EFCAB13: variants seen among roughly 807,000 people sequenced by gnomAD.
EFCAB13 encodes EF-hand calcium-binding domain-containing protein 13.
EFCAB13 carries 91 observed loss-of-function variants against 110.2 expected under a neutral mutation model. The ratio of observed to expected loss-of-function variants is 0.83; its 90% confidence interval spans 0.70 to 0.98. The LOEUF is 0.98. EFCAB13 is among the 50% of genes least tolerant of loss of function. The pLI is 0.00. For synonymous variants in EFCAB13, 323 were observed against 369.9 expected, an observed-to-expected ratio of 0.87 and a Z score of 1.45; for missense variants, 968 against 1,119.4, an observed-to-expected ratio of 0.86 and a Z score of 1.93.
intron 23 of EFCAB13, among the ~76,000 whole-genome samples, chr17:47,416,345 T>C (rs1904443966): frequency 6.6e-6 from 1 of 152,228 alleles, no homozygotes; most frequent in East Asian, 1.9e-4. Context: ...TGAATTTGCC[T>C]ATTTTGAACA....
intron 24 of EFCAB13, among the ~76,000 whole-genome samples, chr17:47,433,873 T>G (rs560939048): frequency 1.6e-4 from 25 of 152,298 alleles, no homozygotes; most frequent in African/African-American, 5.1e-4. Context: ...TCTTGGATTT[T>G]TTACTTTAAA....
At chr17:47,413,492 C>T (rs560129179) in intron 22 of EFCAB13, among the ~76,000 whole-genome samples, 2 of 152,130 alleles carry the variant, frequency 1.3e-5, no homozygotes, top group African/African-American at 4.8e-5. Context: ...TGGTTTTTGG[C>T]GAACTTTTAT....
chr17:47,371,969 C>T (rs1322661024), intron 11 of EFCAB13, among the ~76,000 whole-genome samples: 1 of 152,116 alleles, frequency 6.6e-6, no homozygotes, highest in Non-Finnish European at 1.5e-5. Flanking sequence ...TTTTCTCATG[C>T]TGCTAATAAA....
chr17:47,373,475 G>A (rs1460776984), intron 11 of EFCAB13, among the ~76,000 whole-genome samples: 2 of 151,978 alleles, frequency 1.3e-5, no homozygotes, highest in African/African-American at 2.4e-5. Context: ...TGCTCTTTTG[G>A]TAGTATTATG....
At chr17:47,389,860 T>C (rs1228949566) in intron 14 of EFCAB13, among the ~76,000 whole-genome samples, 1 of 152,170 alleles carries the variant, frequency 6.6e-6, no homozygotes, top group East Asian at 1.9e-4. Flanking sequence ...ACCTGTAAAA[T>C]TAAAAAAGAG....
At chr17:47,407,562 A>G (rs1464627201) in intron 20 of EFCAB13, among the ~76,000 whole-genome samples, 1 of 152,182 alleles carries the variant, frequency 6.6e-6, no homozygotes, top group Non-Finnish European at 1.5e-5. Context: ...ATTGGACTCC[A>G]CGAAAGAAAA....
At chr17:47,372,657 G>T (rs538478757) in intron 11 of EFCAB13, among the ~76,000 whole-genome samples, 2 of 152,138 alleles carry the variant, frequency 1.3e-5, no homozygotes, top group East Asian at 3.9e-4. Flanking sequence ...TTCAACTTTT[G>T]TCTGGGAAAG....
chr17:47,344,375 A>G (rs778097013), intron 7 of EFCAB13, 83 bp downstream of exon 7: 19 of 1,461,564 alleles, frequency 1.3e-5, no homozygotes, highest in East Asian at 4.6e-5. Context: ...TCCCTTCCAC[A>G]TAAAGAATAT....
intron 21 of EFCAB13, among the ~76,000 whole-genome samples, chr17:47,410,007 A>G (rs1253279561): frequency 2.6e-5 from 4 of 152,076 alleles, no homozygotes; most frequent in Admixed American, 1.3e-4. Flanking sequence ...TCCCACTACA[A>G]GACTTTTGCA....
chr17:47,440,531 C>T lies in EFCAB13; in HGVS notation c.2739C>T (p.Cys913=). ...AGKFYLICTY[C]PDLERQAVVY... is the part of the protein sequence containing the mutation. ...AGTTTTATTTAATATGTACTTATTG[C>T]CCAGATCTAGAAAGGCAAGCAGTGG... Residue 913 remains cysteine (C), a synonymous_variant, in exon 25 of 25, where the codon TGC becomes TGT. Transcript: ENST00000331493. 2.5e-6 allele frequency: 4 copies of T among 1,612,884 alleles called. No individual in the cohort carries two copies. The highest frequency in any genetic ancestry group is 3.4e-6 in the Non-Finnish European group (4 of 1,179,536).
At chr17:47,361,252 A>G in intron 9 of EFCAB13, 126 bp from the exon 10 acceptor site, 1 of 784,590 alleles carries the variant, frequency 1.3e-6, no homozygotes, top group South Asian at 1.9e-5. Flanking sequence ...TTGCTTGTAG[A>G]TAAATATTTA....
chr17:47,349,884 C>T (rs2065439644), intron 9 of EFCAB13, among the ~76,000 whole-genome samples: 1 of 150,334 alleles, frequency 6.7e-6, no homozygotes, highest in Non-Finnish European at 1.5e-5. Flanking sequence ...ACGCCATTCT[C>T]CTGCCTCAGC....
rs111830433 is a variant in EFCAB13, at chr17:47,390,325, T to TACACACACAC, written c.1583-1101_1583-1092dup. Among the ~76,000 whole-genome samples, 1,680 of 150,196 alleles carry TACACACACAC rather than the reference T, an allele frequency of 0.011. 73 individuals carry two copies. In the East Asian group the frequency reaches 0.17, roughly 15 times the overall value. ...GCATACACAACCTCTGTTTTTTTCA[T>TACACACACAC]ACACACACACACACACACACTTTCT... On this transcript the variant is annotated intron_variant, in intron 14 of 24. Transcript: ENST00000331493.
intron 14 of EFCAB13, among the ~76,000 whole-genome samples, chr17:47,390,222 A>G (rs2065698508): frequency 1.3e-5 from 2 of 151,072 alleles, no homozygotes; most frequent in African/African-American, 2.4e-5. Flanking sequence ...GTGTGTTTGT[A>G]TATTATAAAA....
chr17:47,374,651 G>A lies in EFCAB13; in HGVS notation c.1057G>A (p.Asp353Asn), dbSNP rs1243505772. 4.4e-6 allele frequency: 7 copies of A among 1,608,214 alleles called. No individual in the cohort carries two copies. Among genetic ancestry groups the A allele is most frequent in the Non-Finnish European group, 8.5e-7 (1 of 1,178,700 alleles). Residue 353 changes from aspartate to asparagine, a missense_variant, in exon 12 of 25, where the codon GAT becomes AAT. Asp to Asn is a conservative substitution (Grantham distance 23). Transcript: ENST00000331493. ...NQYYSKIMEN[D>N]DLESKRPKNT... Reference sequence around the variant, plus strand: ...ATATTATAGCAAAATTATGGAGAATGATGACCTTGAATCTAAAAGACCAAA... The same window carrying A: ...ATATTATAGCAAAATTATGGAGAATAATGACCTTGAATCTAAAAGACCAAA...
chr17:47,409,733 G>T (rs764950733), intron 21 of EFCAB13, 42 bp downstream of exon 21: 1 of 1,457,746 alleles, frequency 6.9e-7, no homozygotes, highest in Admixed American at 1.7e-5. Context: ...TCAATAATAA[G>T]AGATATTTTT....
At chr17:47,353,206 G>C (rs891108033) in intron 9 of EFCAB13, among the ~76,000 whole-genome samples, 2 of 151,956 alleles carry the variant, frequency 1.3e-5, no homozygotes, top group African/African-American at 4.8e-5. Context: ...GTAGGATGTT[G>C]GCTGTGGGTT....
chr17:47,357,265 T>C (rs555317363), intron 9 of EFCAB13, among the ~76,000 whole-genome samples: 1 of 152,316 alleles, frequency 6.6e-6, no homozygotes, highest in South Asian at 2.1e-4. Context: ...GCTTTCCTGA[T>C]ATGTTCCTGC....
At chr17:47,406,393 AC>A (rs2143454957) in intron 20 of EFCAB13, among the ~76,000 whole-genome samples, 1 of 152,168 alleles carries the variant, frequency 6.6e-6, no homozygotes, top group East Asian at 1.9e-4. Flanking sequence ...ACAGGCATGA[AC>A]CACGCCCGGC....
Sources: allele counts gnomAD v4.1 joint callset (sites outside exome capture counted in the v4.1 genomes callset), GRCh38; gene constraint gnomAD v4.1.1; transcripts MANE v1.5; gene names NCBI Gene and HGNC (gene_info 2026-07-23, HGNC 2026-07-21).